CAVIN2: variants seen among roughly 807,000 people sequenced by gnomAD.
The protein encoded by CAVIN2 is caveolae associated protein 2.
CAVIN2 carries 13 observed loss-of-function variants against 11.7 expected under a neutral mutation model. The observed-to-expected ratio is 1.11, with a 90% CI of 0.72 to 1.77. The LOEUF (loss-of-function observed/expected upper bound fraction) is 1.77. Ranked by LOEUF, CAVIN2 falls within the 40% of genes most tolerant of loss-of-function variation. The pLI is 0.00. For missense variants in CAVIN2, 549 were observed against 542.9 expected (o/e 1.01, Z -0.11); for synonymous variants, 237 against 223.2 (o/e 1.06, Z -0.55).
rs1275417935 is a variant in CAVIN2, at chr2:191,846,943, C to A, written c.-18G>T. 3.2e-6 allele frequency: 5 copies of A among 1,579,262 alleles called. No individual in the cohort carries two copies. In the South Asian group the frequency reaches 3.5e-5, roughly 11 times the overall value. ...TCTCCCATGGCTAGGCAGGTGGGAA[C>A]GTTCTTTCTCTCTGGGAGCTGCTTC... is the stretch of plus-strand genomic sequence containing the variant. On this transcript the variant is annotated 5_prime_UTR_variant, in exon 1 of 2. Coordinates refer to ENST00000304141, the MANE Select transcript of CAVIN2 (RefSeq NM_004657.6).
chr2:191,835,750 G>T lies in CAVIN2; in HGVS notation c.*173C>A, dbSNP rs1036202617. The T allele has an allele frequency of 6.5e-6, 4 of 611,040 alleles. 1 individual carries two copies. In the South Asian group the frequency reaches 9.8e-5, roughly 15 times the overall value. 37.9% of individuals were successfully genotyped at this position (611,040 alleles called of 1,614,324 possible). A position where few individuals can be genotyped will look rare whatever the true frequency, so the allele number is the denominator to read the frequency against. On this transcript the variant is annotated 3_prime_UTR_variant, in exon 2 of 2. Coordinates refer to ENST00000304141, the MANE Select transcript of CAVIN2 (RefSeq NM_004657.6). ...TTAAAAGTGGAGTCCGTGACAGGTC[G>T]CTTTCATGGTAAAGCCTGGTCTCGT...
chr2:191,842,848 G>A (rs190128096), intron 1 of CAVIN2, among the ~76,000 whole-genome samples: 4 of 152,310 alleles, frequency 2.6e-5, no homozygotes, highest in East Asian at 3.8e-4. Flanking sequence ...GTAATGTCAC[G>A]TTTTGAGTGG....
intron 1 of CAVIN2, among the ~76,000 whole-genome samples, chr2:191,843,689 C>G (rs1690126868): frequency 6.6e-6 from 1 of 152,120 alleles, no homozygotes; most frequent in African/African-American, 2.4e-5. Flanking sequence ...AGATCCTGGG[C>G]AAGGTGAGGT....
intron 1 of CAVIN2, among the ~76,000 whole-genome samples, chr2:191,843,225 C>T (rs937784389): frequency 6.6e-6 from 1 of 152,172 alleles, no homozygotes; most frequent in African/African-American, 2.4e-5. Flanking sequence ...TCTTCAACCA[C>T]TAACCAAAAC....
In CAVIN2 at chr2:191,836,505, T is replaced by G. The variant is rs1039038971; in HGVS notation, c.696A>C (p.Lys232Asn). The change falls in exon 2 of 2, where the codon AAA becomes AAC. Residue 232 changes from lysine to asparagine, a missense_variant. By Grantham distance (94) the Lys-to-Asn change is moderately conservative (BLOSUM62 0). Transcript: ENST00000304141. ...TATCCACTTTCTTCAGGCTGGATCT[T>G]TTTATTTTCTCTGCCCTACTTTCTT... is the stretch of plus-strand genomic sequence containing the variant. ...KVEESRAEKI[K>N]RSSLKKVDSL... is the part of the protein sequence containing the mutation. 2 of 1,614,164 alleles carry G rather than the reference T, an allele frequency of 1.2e-6. No homozygotes were observed. Among genetic ancestry groups the G allele is most frequent in the Admixed American group, 3.3e-5 (2 of 60,020 alleles).
rs555707944 is a variant in CAVIN2, at chr2:191,834,601, T to C, written c.*1322A>G. The C allele has an allele frequency of 6.6e-6, 1 of 152,308 alleles. No homozygotes were observed. Among genetic ancestry groups the C allele is most frequent in the Non-Finnish European group, 1.5e-5 (1 of 68,002 alleles). 9.4% of individuals were successfully genotyped at this position (152,308 alleles called of 1,614,324 possible). On this transcript the variant is annotated 3_prime_UTR_variant, in exon 2 of 2. Transcript: ENST00000304141. ...ATAATTTAAGAAATCATTAGCATTT[T>C]GTAATTAAAAACAGATAAAGCAATA...
At chr2:191,841,826 A>G (rs1690096959) in intron 1 of CAVIN2, among the ~76,000 whole-genome samples, 1 of 152,212 alleles carries the variant, frequency 6.6e-6, no homozygotes, top group African/African-American at 2.4e-5. Context: ...AATACCAGCA[A>G]TAATCAGTTA....
Position 191,841,904 on chromosome 2 carries a change from TTTTG to T in CAVIN2, c.483+4535_483+4538del, listed in dbSNP as rs1158223663. On this transcript the variant is annotated intron_variant, in intron 1 of 1. Transcript: ENST00000304141. ...TAAATAATAACAATAAGAACTAATA[TTTTG>T]TTTATCTCATAAAGTAAAAGGGCAC... 5.3e-5 allele frequency among the ~76,000 whole-genome samples: 8 copies of T among 152,328 alleles called. No individual in the cohort carries two copies. The East Asian group carries it at 1.5e-3, about 29-fold the overall frequency.
chr2:191,836,075 T>C lies in CAVIN2; in HGVS notation c.1126A>G (p.Ile376Val), dbSNP rs760069146. ...SGMDSNIDLTIVEDEEEESVA... is the reference protein window; with the variant it reads ...SGMDSNIDLTVVEDEEEESVA... ...GACTCCTCCTCTTCATCTTCCACAA[T>C]AGTCAAGTCGATGTTGCTGTCCATC... The change falls in exon 2 of 2, where the codon ATT becomes GTT. Residue 376 changes from isoleucine to valine, a missense_variant. Physicochemically the swap from Ile to Val is conservative, Grantham distance 29. Coordinates refer to ENST00000304141, the MANE Select transcript of CAVIN2 (RefSeq NM_004657.6). The C allele has an allele frequency of 1.5e-5, 25 of 1,614,190 alleles. No individual in the cohort carries two copies. Among genetic ancestry groups the C allele is most frequent in the Non-Finnish European group, 2.1e-5 (25 of 1,180,024 alleles).
chr2:191,839,280 AGG>A (rs370693680), intron 1 of CAVIN2, among the ~76,000 whole-genome samples: 24 of 152,334 alleles, frequency 1.6e-4, no homozygotes, highest in African/African-American at 5.5e-4. Context: ...GGGTAATCAA[AGG>A]TAGTAAGTTG....
rs1302277200 is a variant in CAVIN2, at chr2:191,841,326, A to C, written c.484-4609T>G. Among the ~76,000 whole-genome samples the C allele has an allele frequency of 2.0e-5, 3 of 152,214 alleles. 1 individual carries two copies. In the East Asian group the frequency reaches 5.8e-4, roughly 29 times the overall value. ...CAAACAAAAAAACCAAAGCACACTG[A>C]ATTATTTAAAAGCTGATGTAGAAAA... On this transcript the variant is annotated intron_variant, in intron 1 of 1. Coordinates refer to ENST00000304141, the MANE Select transcript of CAVIN2 (RefSeq NM_004657.6).
chr2:191,836,676 G>T lies in CAVIN2; in HGVS notation c.525C>A (p.Pro175=). The T allele has an allele frequency of 6.2e-7, 1 of 1,613,862 alleles. No homozygotes were observed. Among genetic ancestry groups the T allele is most frequent in the Non-Finnish European group, 8.5e-7 (1 of 1,179,900 alleles). The change falls in exon 2 of 2, where the codon CCC becomes CCA. Residue 175 remains proline (P), a synonymous_variant. Coordinates refer to ENST00000304141, the MANE Select transcript of CAVIN2 (RefSeq NM_004657.6). ...EIPASVFVKQ[P]VSGAVEGKEE... is the part of the protein sequence containing the mutation. ...CCTTCCCTTCCACGGCACCGGAAAC[G>T]GGCTGTTTCACAAACACGCTGGCAG...
In CAVIN2 at chr2:191,834,815, T is replaced by C. The variant is rs1374640031; in HGVS notation, c.*1108A>G. 1 of 152,080 alleles carries C rather than the reference T, an allele frequency of 6.6e-6. No homozygotes were observed. The highest frequency in any genetic ancestry group is 2.4e-5 in the African/African-American group (1 of 41,442). The allele number at this position is 152,080 out of a possible 1,614,324, so 9.4% of individuals were successfully genotyped here. On this transcript the variant is annotated 3_prime_UTR_variant, in exon 2 of 2. Transcript: ENST00000304141. The stretch of plus-strand genomic sequence containing the variant: ...AAAAAGAAAAAATAGAATCTTTCAC[T>C]TCCAAAACCTATAGATTTTAGCATC...
chr2:191,836,331 G>A lies in CAVIN2; in HGVS notation c.870C>T (p.Phe290=). ...QKISSGKSSP[F]KVSPLTFGRK... is the part of the protein sequence containing the mutation. ...GCCCGAAAGTGAGGGGAGAAACCTT[G>A]AAGGGGGAGCTTTTTCCTGAGGATA... The change falls in exon 2 of 2, where the codon TTC becomes TTT. Residue 290 remains phenylalanine (F), a synonymous_variant. Coordinates refer to ENST00000304141, the MANE Select transcript of CAVIN2 (RefSeq NM_004657.6). The A allele has an allele frequency of 6.2e-7, 1 of 1,614,160 alleles. No homozygotes were observed. The highest frequency in any genetic ancestry group is 8.5e-7 in the Non-Finnish European group (1 of 1,180,038).
rs575515281 is a variant in CAVIN2, at chr2:191,840,792, T to C, written c.484-4075A>G. ...TAGAAAGGAAATCATGGTAAGTCAT[T>C]TAAAAGCTTGAATAAGGAGAGAAAA... is the stretch of plus-strand genomic sequence containing the variant. On this transcript the variant is annotated intron_variant, in intron 1 of 1. Transcript: ENST00000304141. 1.4e-4 allele frequency among the ~76,000 whole-genome samples: 21 copies of C among 152,278 alleles called. No homozygotes were observed. The East Asian group carries it at 3.9e-3, about 28-fold the overall frequency.
Position 191,844,431 on chromosome 2 carries a change from C to T in CAVIN2, c.483+2012G>A, listed in dbSNP as rs183778660. Among the ~76,000 whole-genome samples, 30 of 152,234 alleles carry T rather than the reference C, an allele frequency of 2.0e-4. No individual in the cohort carries two copies. In the East Asian group the frequency reaches 3.9e-3, roughly 20 times the overall value. On this transcript the variant is annotated intron_variant, in intron 1 of 1. Coordinates refer to ENST00000304141, the MANE Select transcript of CAVIN2 (RefSeq NM_004657.6). ...CTTTAGGCTAATAAAGGATCTTACA[C>T]GGCTTAAGAAAGGTCCAGTCACTTG...
intron 1 of CAVIN2, among the ~76,000 whole-genome samples, chr2:191,842,955 G>A (rs182749281): frequency 7.9e-5 from 12 of 152,292 alleles, no homozygotes; most frequent in African/African-American, 1.7e-4. Flanking sequence ...AGACTGAGGC[G>A]GATGGATCAC....
Position 191,835,832 on chromosome 2 carries a change from G to A in CAVIN2, c.*91C>T. The A allele has an allele frequency of 1.6e-6, 2 of 1,256,234 alleles. No individual in the cohort carries two copies. The highest frequency in any genetic ancestry group is 2.2e-6 in the Non-Finnish European group (2 of 910,472). 77.8% of individuals were successfully genotyped at this position (1,256,234 alleles called of 1,614,324 possible). A position where few individuals can be genotyped will look rare whatever the true frequency, so the allele number is the denominator to read the frequency against. On this transcript the variant is annotated 3_prime_UTR_variant, in exon 2 of 2. Coordinates refer to ENST00000304141, the MANE Select transcript of CAVIN2 (RefSeq NM_004657.6). ...ACTGCCTGGACAGGAACGCAGGAGT[G>A]GGTGAGTCGTGCTGGAGATGTGCAA...
chr2:191,844,055 T>C (rs1165179672), intron 1 of CAVIN2, among the ~76,000 whole-genome samples: 2 of 152,226 alleles, frequency 1.3e-5, no homozygotes, highest in Non-Finnish European at 2.9e-5. Flanking sequence ...TACCAATGTA[T>C]GCTGGGTTTA....
Sources: allele counts gnomAD v4.1 joint callset (sites outside exome capture counted in the v4.1 genomes callset), GRCh38; gene constraint gnomAD v4.1.1; transcripts MANE v1.5; gene names NCBI Gene and HGNC (gene_info 2026-07-23, HGNC 2026-07-21).